Variants in ANK1 observed in about 807,000 individuals in gnomAD.
ANK1 encodes the protein ankyrin-1.
ANK1 carries 51 observed loss-of-function variants against 210.4 expected under a neutral mutation model. The ratio of observed to expected loss-of-function variants is 0.24; its 90% CI spans 0.19 to 0.31. The LOEUF (loss-of-function observed/expected upper bound fraction) is 0.31. ANK1 is among the 10% of genes least tolerant of loss of function. The probability of loss-of-function intolerance (pLI) is 1.00; values close to 1 mark genes in which losing one functional copy is unlikely to be tolerated. For synonymous variants in ANK1, 967 were observed against 1,025.9 expected, an observed-to-expected ratio of 0.94 and a Z score of 1.10; for missense variants, 2,051 against 2,504.4, an observed-to-expected ratio of 0.82 and a Z score of 3.86.
chr8:41,741,371 C>G (rs1336390695), intron 2 of ANK1, among the ~76,000 whole-genome samples: 1 of 152,070 alleles, frequency 6.6e-6, no homozygotes, highest in African/African-American at 2.4e-5. Context: ...ATGGGGGCCC[C>G]GTGGAGAAAA....
At chr8:41,869,901 G>A (rs999053874) in intron 1 of ANK1, among the ~76,000 whole-genome samples, 1 of 152,188 alleles carries the variant, frequency 6.6e-6, no homozygotes, top group Admixed American at 6.5e-5. Flanking sequence ...TGGACTCTGA[G>A]TGCAATAAGT....
chr8:41,781,644 GC>G (rs1191531688), intron 1 of ANK1, among the ~76,000 whole-genome samples: 1 of 152,246 alleles, frequency 6.6e-6, no homozygotes, highest in Non-Finnish European at 1.5e-5. Flanking sequence ...ATCCCCTGTG[GC>G]CTGGGACGGA....
At chr8:41,864,249 C>CAA (rs34673931) in intron 1 of ANK1, among the ~76,000 whole-genome samples, 1,266 of 77,810 alleles carry the variant, frequency 0.016, 12 homozygotes, top group Non-Finnish European at 0.024. Flanking sequence ...GACTCTGTCT[C>CAA]AAAAAAAAAA....
At chr8:41,693,390 T>G (rs1377814637) in intron 29 of ANK1, among the ~76,000 whole-genome samples, 189 bp from the exon 30 acceptor site, 1 of 147,244 alleles carries the variant, frequency 6.8e-6, no homozygotes, top group Non-Finnish European at 1.5e-5. Context: ...TCCTAGGGCT[T>G]GGAGAGTTCT....
At chr8:41,756,146 T>C (rs1839091533) in intron 2 of ANK1, among the ~76,000 whole-genome samples, 1 of 151,970 alleles carries the variant, frequency 6.6e-6, no homozygotes. Flanking sequence ...ATTTATTTAT[T>C]TTATTTATTT....
chr8:41,657,276 C>T (rs1211267519), intron 42 of ANK1, among the ~76,000 whole-genome samples: 1 of 152,210 alleles, frequency 6.6e-6, no homozygotes, highest in Non-Finnish European at 1.5e-5. Flanking sequence ...CCAGACCACC[C>T]GGGTTCAAGT....
At chr8:41,863,729 G>A (rs984085591) in intron 1 of ANK1, among the ~76,000 whole-genome samples, 4 of 152,192 alleles carry the variant, frequency 2.6e-5, no homozygotes, top group East Asian at 3.8e-4. Flanking sequence ...AACTGAGGCC[G>A]AGAAAGCTGT....
chr8:41,822,069 AGAGAGAGAG>A (rs1804378825), intron 1 of ANK1, among the ~76,000 whole-genome samples: 1 of 8,852 alleles, frequency 1.1e-4, no homozygotes, highest in Non-Finnish European at 2.3e-4. Context: ...AAAGAAAGAG[AGAGAGAGAG>A]AGAGAGAGAG....
chr8:41,872,669 C>A (rs1406308491), intron 1 of ANK1, among the ~76,000 whole-genome samples: 1 of 152,188 alleles, frequency 6.6e-6, no homozygotes, highest in Non-Finnish European at 1.5e-5. Context: ...GGGTGCTCAC[C>A]TTACAATTCT....
intron 13 of ANK1, 131 bp downstream of exon 13, chr8:41,716,822 G>A (rs1827808732): frequency 3.2e-6 from 3 of 932,344 alleles, no homozygotes; most frequent in South Asian, 2.6e-5. Flanking sequence ...CGCTCAGAGT[G>A]ACCTGATCAG....
At chr8:41,868,615 G>A (rs537577965) in intron 1 of ANK1, among the ~76,000 whole-genome samples, 14 of 152,266 alleles carry the variant, frequency 9.2e-5, no homozygotes, top group Middle Eastern at 3.4e-3. Flanking sequence ...AAATGTGCCC[G>A]GGAACCTCTT....
intron 39 of ANK1, chr8:41,665,078 G>A: frequency 6.3e-7 from 1 of 1,596,476 alleles, no homozygotes; most frequent in Non-Finnish European, 8.5e-7. Flanking sequence ...GCCACCACGG[G>A]GGGCCTGCCT....
At chr8:41,754,426 A>G (rs1216315088) in intron 2 of ANK1, among the ~76,000 whole-genome samples, 1 of 152,226 alleles carries the variant, frequency 6.6e-6, no homozygotes, top group Non-Finnish European at 1.5e-5. Flanking sequence ...CATCTCTTAT[A>G]TAAGCCAAGA....
chr8:41,661,469 C>T lies in ANK1; in HGVS notation c.5640G>A (p.Gln1880=). ...VKRASLKRGK[Q] ...CTCCAAGGAGAGCGGCTCGGGGTCA[C>T]TGTTTCCCCCTTTTCAGGCTGGCCC... Residue 1880 remains glutamine, a synonymous_variant, in exon 42 of 43, where the codon CAG becomes CAA. Coordinates refer to ENST00000289734, the MANE Select transcript of ANK1 (RefSeq NM_000037.4). The T allele has an allele frequency of 1.9e-6, 3 of 1,614,102 alleles. No homozygotes were observed. Among genetic ancestry groups the T allele is most frequent in the Non-Finnish European group, 2.5e-6 (3 of 1,180,048 alleles).
intron 1 of ANK1, among the ~76,000 whole-genome samples, chr8:41,796,787 G>T (rs749307723): frequency 6.6e-6 from 1 of 151,816 alleles, no homozygotes; most frequent in African/African-American, 2.4e-5. Context: ...CCCAACAAAG[G>T]ACACTGACAC....
intron 1 of ANK1, among the ~76,000 whole-genome samples, chr8:41,806,060 A>G (rs1850922943): frequency 6.6e-6 from 1 of 152,238 alleles, no homozygotes; most frequent in East Asian, 1.9e-4. Flanking sequence ...AGGGAAAGTG[A>G]AAAAGTCCAA....
chr8:41,777,228 A>G (rs1407581128), intron 1 of ANK1, among the ~76,000 whole-genome samples: 2 of 152,114 alleles, frequency 1.3e-5, no homozygotes, highest in African/African-American at 4.8e-5. Flanking sequence ...TATCTGCACA[A>G]TATTGAAGGG....
chr8:41,853,787 G>T (rs1025195255), intron 1 of ANK1, among the ~76,000 whole-genome samples: 2 of 151,726 alleles, frequency 1.3e-5, no homozygotes, highest in Non-Finnish European at 2.9e-5. Flanking sequence ...TAGAAACAGG[G>T]TCTCGTTCTG....
intron 31 of ANK1, among the ~76,000 whole-genome samples, chr8:41,692,338 T>G (rs1819507406): frequency 6.6e-6 from 1 of 152,244 alleles, no homozygotes; most frequent in African/African-American, 2.4e-5. Flanking sequence ...ATGAAAGGCG[T>G]GAGCCACTGC....
Sources: gnomAD v4.1 joint callset for allele counts (sites outside exome capture counted in the v4.1 genomes callset) on GRCh38, gnomAD v4.1.1 for gene constraint, MANE v1.5 for transcripts, NCBI Gene and HGNC (gene_info 2026-07-23, HGNC 2026-07-21) for gene names.